INPP4B: variants seen among roughly 807,000 people sequenced by gnomAD.
The protein encoded by INPP4B is inositol polyphosphate 4-phosphatase type II.
Under a neutral mutation model 122.5 loss-of-function variants are expected in INPP4B, and 55 were observed. The ratio of observed to expected loss-of-function variants is 0.45; its 90% CI spans 0.36 to 0.56. INPP4B has a LOEUF of 0.56. Among genes scored for constraint, INPP4B ranks in the 20% least tolerant of loss-of-function variants. INPP4B has a pLI of 0.00. For synonymous variants in INPP4B, 403 were observed against 388.7 expected, an observed-to-expected ratio of 1.04 and a Z score of -0.43; for missense variants, 1,000 against 1,097.7, an observed-to-expected ratio of 0.91 and a Z score of 1.26.
chr4:142,340,565 G>C (rs1006816989), intron 7 of INPP4B, among the ~76,000 whole-genome samples: 5 of 151,982 alleles, frequency 3.3e-5, no homozygotes, highest in Non-Finnish European at 5.9e-5. Flanking sequence ...GTGCCACCAT[G>C]CCCAGCTAAT....
intron 12 of INPP4B, among the ~76,000 whole-genome samples, chr4:142,231,283 A>G (rs533032275): frequency 3.2e-4 from 48 of 152,362 alleles, no homozygotes; most frequent in Admixed American, 3.1e-3. Context: ...ACTCAATGTC[A>G]GGATTGGCTG....
intron 2 of INPP4B, among the ~76,000 whole-genome samples, chr4:142,561,414 G>T (rs201554013): frequency 3.8e-4 from 28 of 74,516 alleles, no homozygotes; most frequent in Non-Finnish European, 5.8e-4. Flanking sequence ...TTGTTTTTTT[G>T]TTTGTTTGTT....
intron 5 of INPP4B, among the ~76,000 whole-genome samples, chr4:142,409,700 T>C (rs1444113654): frequency 6.6e-6 from 1 of 152,182 alleles, no homozygotes; most frequent in Non-Finnish European, 1.5e-5. Context: ...CACTGTGTCC[T>C]TGATTTTAGG....
chr4:142,045,070 A>G (rs1750587109), intron 25 of INPP4B, among the ~76,000 whole-genome samples: 1 of 152,162 alleles, frequency 6.6e-6, no homozygotes, highest in East Asian at 1.9e-4. Flanking sequence ...AATTAATGTC[A>G]AAATATATTA....
intron 18 of INPP4B, among the ~76,000 whole-genome samples, chr4:142,143,154 C>T (rs1253602064): frequency 2.0e-5 from 3 of 152,042 alleles, no homozygotes; most frequent in Non-Finnish European, 4.4e-5. Context: ...TGGTTTTTTA[C>T]TAACTGAACC....
At chr4:142,302,774 A>C (rs1761958413) in intron 9 of INPP4B, among the ~76,000 whole-genome samples, 1 of 152,150 alleles carries the variant, frequency 6.6e-6, no homozygotes, top group African/African-American at 2.4e-5. Flanking sequence ...GAATTAGAAA[A>C]CAAAAACAGA....
chr4:142,240,511 A>C (rs1320883977), intron 11 of INPP4B, among the ~76,000 whole-genome samples: 2 of 152,188 alleles, frequency 1.3e-5, no homozygotes, highest in Admixed American at 1.3e-4. Flanking sequence ...TTATAAAGAA[A>C]ATACTTGTAA....
At chr4:142,650,413 C>G (rs1003442773) in intron 2 of INPP4B, among the ~76,000 whole-genome samples, 2 of 152,094 alleles carry the variant, frequency 1.3e-5, no homozygotes, top group African/African-American at 4.8e-5. Context: ...TTAAAAGACA[C>G]AGACTGGCAA....
chr4:142,444,835 G>GA (rs549242060), intron 3 of INPP4B, among the ~76,000 whole-genome samples: 7 of 151,774 alleles, frequency 4.6e-5, no homozygotes, highest in Admixed American at 3.3e-4. Flanking sequence ...GCCACAAAAA[G>GA]AAAAAAAAGA....
chr4:142,311,925 TG>T (rs1363904193), intron 8 of INPP4B, among the ~76,000 whole-genome samples: 31 of 152,344 alleles, frequency 2.0e-4, no homozygotes, highest in Admixed American at 2.0e-3. Flanking sequence ...GGATAGAGTC[TG>T]GTTGCTTCAA....
At chr4:142,046,434 T>C (rs1751482159) in intron 25 of INPP4B, among the ~76,000 whole-genome samples, 1 of 152,100 alleles carries the variant, frequency 6.6e-6, no homozygotes, top group South Asian at 2.1e-4. Context: ...CCAAGGGTTC[T>C]TGTGAAAGCC....
intron 2 of INPP4B, among the ~76,000 whole-genome samples, chr4:142,674,797 G>T (rs1247250901): frequency 1.3e-5 from 2 of 151,292 alleles, no homozygotes; most frequent in Non-Finnish European, 3.0e-5. Flanking sequence ...AATTAAAGAA[G>T]AAATAAATCA....
chr4:142,556,069 A>G (rs902447385), intron 2 of INPP4B, among the ~76,000 whole-genome samples: 8 of 152,156 alleles, frequency 5.3e-5, no homozygotes. Context: ...CTTTTAATTG[A>G]CAGGTAAGAA....
chr4:142,075,113 T>C (rs10020507), intron 25 of INPP4B, among the ~76,000 whole-genome samples: 3,897 of 152,140 alleles, frequency 0.026, 194 homozygotes, highest in African/African-American at 0.089. Context: ...TAAGTCCTCA[T>C]TGACTATTAG....
chr4:142,190,717 A>AGTGTGTGTGT lies in INPP4B; in HGVS notation c.1181+2360_1181+2369dup, dbSNP rs374099702. Among the ~76,000 whole-genome samples the AGTGTGTGTGT allele has an allele frequency of 6.2e-3, 892 of 143,984 alleles. 1 individual carries two copies. Among genetic ancestry groups the AGTGTGTGTGT allele is most frequent in the Middle Eastern group, 0.018 (5 of 272 alleles). The allele number at this position is 143,984 out of a possible 152,430, so 94.5% of individuals were successfully genotyped here. ...TTAAAATTAACCCAAGATCTGTAAGAGTGTGTGTGTGTGTGTGTGTGTGTG... is the reference window on the plus strand; with the variant it reads ...TTAAAATTAACCCAAGATCTGTAAGAGTGTGTGTGTGTGTGTGTGTGTGTGTGTGTGTGTG... On this transcript the variant is annotated intron_variant, in intron 15 of 25. Transcript: ENST00000262992.
intron 2 of INPP4B, among the ~76,000 whole-genome samples, chr4:142,583,798 C>T (rs28713525): frequency 0.014 from 2,147 of 152,188 alleles, 41 homozygotes; most frequent in African/African-American, 0.041. Context: ...TCTACTTTTT[C>T]TGGGGTAATC....
At chr4:142,079,361 T>C (rs1772624056) in intron 25 of INPP4B, among the ~76,000 whole-genome samples, 1 of 152,016 alleles carries the variant, frequency 6.6e-6, no homozygotes, top group Non-Finnish European at 1.5e-5. Flanking sequence ...GAGGTGGTTC[T>C]GATGTTCATT....
chr4:142,212,534 G>C (rs1430193822), intron 12 of INPP4B, among the ~76,000 whole-genome samples: 1 of 152,082 alleles, frequency 6.6e-6, no homozygotes, highest in Admixed American at 6.6e-5. Flanking sequence ...ATTTTTCCTT[G>C]CTCAGATTTT....
At chr4:142,301,893 A>G (rs1280633406) in intron 9 of INPP4B, among the ~76,000 whole-genome samples, 1 of 152,180 alleles carries the variant, frequency 6.6e-6, no homozygotes, top group Non-Finnish European at 1.5e-5. Flanking sequence ...AAATACTTTA[A>G]GATCAATATA....
Sources: allele counts gnomAD v4.1 joint callset (sites outside exome capture counted in the v4.1 genomes callset), GRCh38; gene constraint gnomAD v4.1.1; transcripts MANE v1.5; gene names NCBI Gene and HGNC (gene_info 2026-07-23, HGNC 2026-07-21).